FEM1B: variants seen among roughly 807,000 people sequenced by gnomAD.
FEM1B encodes the protein fem-1 homolog B.
FEM1B carries 10 observed loss-of-function variants against 38.6 expected under a neutral mutation model. The ratio of observed to expected loss-of-function variants is 0.26; its 90% CI spans 0.16 to 0.44. FEM1B has a LOEUF of 0.44. FEM1B is among the 20% of genes least tolerant of loss of function. FEM1B has a pLI of 1.00. For synonymous variants in FEM1B, 288 were observed against 288.0 expected (o/e 1.00, Z 0.00); for missense variants, 471 against 786.7 (o/e 0.60, Z 4.80).
chr15:68,284,323 C>T lies in FEM1B; in HGVS notation c.249-5284C>T, dbSNP rs1205023296. ...TAAGTGAGATATTTTGCATATTCAG[C>T]AGTGAATACAGTGCTTGGCACTGTA... On this transcript the variant is annotated intron_variant, in intron 1 of 1. Transcript: ENST00000306917. The surrounding 1 kb of genome is among the most constrained non-coding windows in gnomAD (Gnocchi z 4.4). 1.3e-5 allele frequency among the ~76,000 whole-genome samples: 2 copies of T among 152,016 alleles called. No individual in the cohort carries two copies. Among genetic ancestry groups the T allele is most frequent in the Non-Finnish European group, 2.9e-5 (2 of 68,004 alleles).
At position 68,290,341 on chromosome 15, in the gene FEM1B, G is replaced by T; in HGVS notation, c.983G>T (p.Gly328Val). 1 of 1,614,156 alleles carries T rather than the reference G, an allele frequency of 6.2e-7. No individual in the cohort carries two copies. The highest frequency in any genetic ancestry group is 2.2e-5 in the East Asian group (1 of 44,890). ...RQDRDALHME[G>V]LIVRERILGA... ...GACAGAGATGCTCTTCATATGGAAGGCCTTATAGTTCGGGAACGGATTTTA... is the reference window on the plus strand; with the variant it reads ...GACAGAGATGCTCTTCATATGGAAGTCCTTATAGTTCGGGAACGGATTTTA... The change falls in exon 2 of 2, where the codon GGC becomes GTC. Residue 328 changes from glycine to valine, a missense_variant. By Grantham distance (109) the Gly-to-Val change is moderately radical. Around this residue, in one of 3 missense-constraint regions of FEM1B, gnomAD observed 380 missense variants for 599.6 expected, o/e 0.63. Coordinates refer to ENST00000306917, the MANE Select transcript of FEM1B (RefSeq NM_015322.5). The surrounding 1 kb of genome is among the most constrained non-coding windows in gnomAD (Gnocchi z 9.7).
chr15:68,291,007 T>G lies in FEM1B; in HGVS notation c.1649T>G (p.Leu550Trp). 6.2e-7 allele frequency: 1 copy of G among 1,614,208 alleles called. No individual in the cohort carries two copies. The highest frequency in any genetic ancestry group is 8.5e-7 in the Non-Finnish European group (1 of 1,180,026). The change falls in exon 2 of 2, where the codon TTG (leucine) becomes TGG (tryptophan). Residue 550 changes from leucine to tryptophan, a missense_variant. Leu to Trp is a moderately conservative substitution (Grantham distance 61, BLOSUM62 -2). This residue lies in a region of FEM1B where 380 missense variants were observed against 599.6 expected (regional missense o/e 0.63). Transcript: ENST00000306917. The surrounding 1 kb of genome is among the most constrained non-coding windows in gnomAD (Gnocchi z 6.9). ...VQYNRPISDF[L>W]TLHSIIISLV... Reference sequence around the variant, plus strand: ...TACAACAGGCCCATCAGTGATTTTTTGACCTTGCACTCCATCATCATTAGC... The same window carrying G: ...TACAACAGGCCCATCAGTGATTTTTGGACCTTGCACTCCATCATCATTAGC...
chr15:68,287,830 C>CTT (rs71455589), intron 1 of FEM1B, among the ~76,000 whole-genome samples: 565 of 114,166 alleles, frequency 4.9e-3, no homozygotes, highest in Non-Finnish European at 6.1e-3. Context: ...GCTAACGTCT[C>CTT]TTTTTTTTTT....
Position 68,277,983 on chromosome 15 carries a change from C to T in FEM1B, c.-435C>T, listed in dbSNP as rs754936165. ...AGTGTTAGGCCTTAGGCCGGGTGGG[C>T]CGGGTCAGGAGAGACGCGCCCATCT... On this transcript the variant is annotated 5_prime_UTR_variant, in exon 1 of 2. Coordinates refer to ENST00000306917, the MANE Select transcript of FEM1B (RefSeq NM_015322.5). The T allele has an allele frequency of 5.6e-6, 1 of 179,488 alleles. No homozygotes were observed. Among genetic ancestry groups the T allele is most frequent in the Non-Finnish European group, 1.2e-5 (1 of 86,324 alleles). The allele number at this position is 179,488 out of a possible 1,614,324, so 11.1% of individuals were successfully genotyped here.
Position 68,278,315 on chromosome 15 carries a change from G to T in FEM1B, c.-103G>T. 1 of 1,443,276 alleles carries T rather than the reference G, an allele frequency of 6.9e-7. No individual in the cohort carries two copies. The highest frequency in any genetic ancestry group is 1.4e-5 in the South Asian group (1 of 72,676). 89.4% of individuals were successfully genotyped at this position (1,443,276 alleles called of 1,614,324 possible). A position where few individuals can be genotyped will look rare whatever the true frequency, so the allele number is the denominator to read the frequency against. ...GGCGGCGACGGCGCCCTGTTGAATG[G>T]GCTGTGAGGGCCCAGGTTTAAAGCG... is the stretch of plus-strand genomic sequence containing the variant. On this transcript the variant is annotated 5_prime_UTR_variant, in exon 1 of 2. Coordinates refer to ENST00000306917, the MANE Select transcript of FEM1B (RefSeq NM_015322.5). This position sits in a 1 kb window ranked among gnomAD's most constrained non-coding sequence, Gnocchi z 5.7.
Position 68,281,343 on chromosome 15 carries a change from A to G in FEM1B, c.248+2678A>G, listed in dbSNP as rs1357233556. On this transcript the variant is annotated intron_variant, in intron 1 of 1. Transcript: ENST00000306917. The surrounding 1 kb of genome is among the most constrained non-coding windows in gnomAD (Gnocchi z 5.1). ...TTCACTAACCTGCTGTTTACTTAAT[A>G]AATATCTTTTCTTTAAATTGTCTGT... 6.6e-6 allele frequency among the ~76,000 whole-genome samples: 1 copy of G among 152,198 alleles called. No homozygotes were observed. Among genetic ancestry groups the G allele is most frequent in the Admixed American group, 6.5e-5 (1 of 15,290 alleles).
rs912693345 is a variant in FEM1B, at chr15:68,294,304, A to G, written c.*3062A>G. The G allele has an allele frequency of 4.7e-5, 7 of 150,368 alleles. No homozygotes were observed. The South Asian group carries it at 6.2e-4, about 13-fold the overall frequency. The allele number at this position is 150,368 out of a possible 1,614,324, so 9.3% of individuals were successfully genotyped here. A position where few individuals can be genotyped will look rare whatever the true frequency, so the allele number is the denominator to read the frequency against. On this transcript the variant is annotated 3_prime_UTR_variant, in exon 2 of 2. Coordinates refer to ENST00000306917, the MANE Select transcript of FEM1B (RefSeq NM_015322.5). This position sits in a 1 kb window ranked among gnomAD's most constrained non-coding sequence, Gnocchi z 4.4. The stretch of plus-strand genomic sequence containing the variant: ...GGAATTTTAAATAAACCAAACCCCA[A>G]AGCAGACCATCTGTAAGCTTTGGTC...
rs976829379 is a variant in FEM1B, at chr15:68,284,462, C to T, written c.249-5145C>T. ...TATAAATTACTCGTATTCATTTAAA[C>T]TATTTTTCTTTGAAGTCATTTGTGC... is the stretch of plus-strand genomic sequence containing the variant. On this transcript the variant is annotated intron_variant, in intron 1 of 1. Coordinates refer to ENST00000306917, the MANE Select transcript of FEM1B (RefSeq NM_015322.5). The surrounding 1 kb of genome is among the most constrained non-coding windows in gnomAD (Gnocchi z 4.4). Among the ~76,000 whole-genome samples, 1 of 151,986 alleles carries T rather than the reference C, an allele frequency of 6.6e-6. No homozygotes were observed. The highest frequency in any genetic ancestry group is 1.5e-5 in the Non-Finnish European group (1 of 67,996).
chr15:68,278,754 C>T lies in FEM1B; in HGVS notation c.248+89C>T. ...CCTCCCTCACCCTCTCTTACCCTCT[C>T]TTCATGTAGGTACTCACTTCTCCCC... On this transcript the variant is annotated intron_variant, in intron 1 of 1. Transcript: ENST00000306917. The surrounding 1 kb of genome is among the most constrained non-coding windows in gnomAD (Gnocchi z 5.7). The T allele has an allele frequency of 3.4e-6, 5 of 1,476,732 alleles. No homozygotes were observed. Among genetic ancestry groups the T allele is most frequent in the East Asian group, 2.3e-5 (1 of 43,650 alleles). The allele number at this position is 1,476,732 out of a possible 1,614,324, so 91.5% of individuals were successfully genotyped here.
chr15:68,282,266 T>C (rs2140242401), intron 1 of FEM1B, among the ~76,000 whole-genome samples: 1 of 152,076 alleles, frequency 6.6e-6, no homozygotes, highest in East Asian at 1.9e-4. Context: ...AGTGTTGTTC[T>C]TTTAAAGTCA....
chr15:68,291,090 G>A lies in FEM1B; in HGVS notation c.1732G>A (p.Asp578Asn), dbSNP rs1181659208. ...MTNKQNKTPL[D>N]KSTTGVSEIL... is the part of the protein sequence containing the mutation. ...GAATAAACAGAATAAGACTCCGCTA[G>A]ACAAAAGTACAACTGGGGTATCTGA... The change falls in exon 2 of 2, where the codon GAC becomes AAC. Residue 578 changes from aspartate (D) to asparagine (N), a missense_variant. Coordinates refer to ENST00000306917, the MANE Select transcript of FEM1B (RefSeq NM_015322.5). The surrounding 1 kb of genome is among the most constrained non-coding windows in gnomAD (Gnocchi z 6.9). The A allele has an allele frequency of 6.2e-7, 1 of 1,614,112 alleles. No homozygotes were observed. The highest frequency in any genetic ancestry group is 8.5e-7 in the Non-Finnish European group (1 of 1,180,006).
chr15:68,278,718 AC>A lies in FEM1B; in HGVS notation c.248+54del. ...CCGACGCGCGCGGACTCGTTAATTC[AC>A]GGGCCCTCCCCTCCCTCACCCTCTC... is the stretch of plus-strand genomic sequence containing the variant. On this transcript the variant is annotated intron_variant, in intron 1 of 1. Coordinates refer to ENST00000306917, the MANE Select transcript of FEM1B (RefSeq NM_015322.5). This position sits in a 1 kb window ranked among gnomAD's most constrained non-coding sequence, Gnocchi z 5.7. 6.2e-7 allele frequency: 1 copy of A among 1,604,788 alleles called. No homozygotes were observed. Among genetic ancestry groups the A allele is most frequent in the Non-Finnish European group, 8.5e-7 (1 of 1,173,204 alleles).
chr15:68,278,264 G>T lies in FEM1B; in HGVS notation c.-154G>T. 4.0e-6 allele frequency: 4 copies of T among 1,003,124 alleles called. No individual in the cohort carries two copies. The highest frequency in any genetic ancestry group is 5.7e-6 in the Non-Finnish European group (4 of 703,106). 62.1% of individuals were successfully genotyped at this position (1,003,124 alleles called of 1,614,324 possible). On this transcript the variant is annotated 5_prime_UTR_variant, in exon 1 of 2. Transcript: ENST00000306917. This position sits in a 1 kb window ranked among gnomAD's most constrained non-coding sequence, Gnocchi z 5.7. Reference sequence around the variant, plus strand: ...CCTCCTCTGCGTCTCCGCCTTCCCTGGGCCGCACTGCTGCCTGGGCGCGGC... The same window carrying T: ...CCTCCTCTGCGTCTCCGCCTTCCCTTGGCCGCACTGCTGCCTGGGCGCGGC...
At position 68,283,502 on chromosome 15, in the gene FEM1B, TA is replaced by T. The variant is rs60432847; in HGVS notation, c.248+4867del. On this transcript the variant is annotated intron_variant, in intron 1 of 1. Coordinates refer to ENST00000306917, the MANE Select transcript of FEM1B (RefSeq NM_015322.5). ...AACATAGTGAGACCTCATCTCTACC[TA>T]AAAAAAAAAAAAAAAAAAAAAAAAA... Among the ~76,000 whole-genome samples the T allele has an allele frequency of 9.3e-3, 669 of 71,904 alleles. 3 individuals carry two copies. Among genetic ancestry groups the T allele is most frequent in the African/African-American group, 0.021 (331 of 15,464 alleles). 47.2% of individuals were successfully genotyped at this position (71,904 alleles called of 152,430 possible).
At position 68,285,530 on chromosome 15, in the gene FEM1B, A is replaced by C. The variant is rs572195570; in HGVS notation, c.249-4077A>C. 2.0e-5 allele frequency among the ~76,000 whole-genome samples: 3 copies of C among 151,524 alleles called. No individual in the cohort carries two copies. The East Asian group carries it at 5.8e-4, about 29-fold the overall frequency. On this transcript the variant is annotated intron_variant, in intron 1 of 1. Transcript: ENST00000306917. ...AGTTGCCACATCTTGCTCAACACTTATTATTGCCCTGTCAGTCTTGTTAAA... is the reference window on the plus strand; with the variant it reads ...AGTTGCCACATCTTGCTCAACACTTCTTATTGCCCTGTCAGTCTTGTTAAA...
rs1892874568 is a variant in FEM1B at position 68,293,862 on chromosome 15, G to T, written c.*2620G>T. ...TGATAGTTCTATATCTCAGCCCTCTGTGAACTCTAGGCTGTCTCCATTTTG... is the reference window on the plus strand; with the variant it reads ...TGATAGTTCTATATCTCAGCCCTCTTTGAACTCTAGGCTGTCTCCATTTTG... On this transcript the variant is annotated 3_prime_UTR_variant, in exon 2 of 2. Coordinates refer to ENST00000306917, the MANE Select transcript of FEM1B (RefSeq NM_015322.5). The surrounding 1 kb of genome is among the most constrained non-coding windows in gnomAD (Gnocchi z 5.8). The T allele has an allele frequency of 6.6e-6, 1 of 152,102 alleles. No homozygotes were observed. The highest frequency in any genetic ancestry group is 2.4e-5 in the African/African-American group (1 of 41,416). 9.4% of individuals were successfully genotyped at this position (152,102 alleles called of 1,614,324 possible). A position where few individuals can be genotyped will look rare whatever the true frequency, so the allele number is the denominator to read the frequency against.
Position 68,284,603 on chromosome 15 carries a change from C to A in FEM1B, c.249-5004C>A, listed in dbSNP as rs1892764570. Among the ~76,000 whole-genome samples, 1 of 152,148 alleles carries A rather than the reference C, an allele frequency of 6.6e-6. No individual in the cohort carries two copies. Among genetic ancestry groups the A allele is most frequent in the African/African-American group, 2.4e-5 (1 of 41,432 alleles). Reference sequence around the variant, plus strand: ...GAATTTTTAATATGTTTACATCCATCTAGTCACTCTCTAGATCAATGTGTA... The same window carrying A: ...GAATTTTTAATATGTTTACATCCATATAGTCACTCTCTAGATCAATGTGTA... On this transcript the variant is annotated intron_variant, in intron 1 of 1. Transcript: ENST00000306917. This position sits in a 1 kb window ranked among gnomAD's most constrained non-coding sequence, Gnocchi z 4.4.
At chr15:68,279,170 G>C (rs1595838970) in intron 1 of FEM1B, among the ~76,000 whole-genome samples, 1 of 152,228 alleles carries the variant, frequency 6.6e-6, no homozygotes, top group African/African-American at 2.4e-5. Flanking sequence ...CCTAGAACCA[G>C]CAGCAGCTGC....
chr15:68,282,407 A>AT (rs749448338), intron 1 of FEM1B, among the ~76,000 whole-genome samples: 3 of 152,238 alleles, frequency 2.0e-5, no homozygotes, highest in Non-Finnish European at 2.9e-5. Context: ...GTAATACATG[A>AT]TTTTTAAGGA....
Sources: gnomAD v4.1 joint callset for allele counts (sites outside exome capture counted in the v4.1 genomes callset) on GRCh38, gnomAD v4.1.1 for gene constraint, gnomAD v4.1.1 regional missense constraint, Gnocchi (gnomAD v3.1) non-coding constraint, MANE v1.5 for transcripts, NCBI Gene and HGNC (gene_info 2026-07-23, HGNC 2026-07-21) for gene names.